Variants in TBC1D5 observed in about 807,000 individuals in gnomAD.
TBC1D5 encodes TBC1 domain family member 5.
A neutral mutation model predicts 100.3 loss-of-function variants in TBC1D5; 75 were observed. The ratio of observed to expected loss-of-function variants is 0.75; its 90% CI spans 0.62 to 0.91. TBC1D5 has a LOEUF of 0.91. Among genes scored for constraint, TBC1D5 ranks in the 40% least tolerant of loss-of-function variants. The pLI is 0.00. For synonymous variants in TBC1D5, 323 were observed against 325.6 expected (o/e 0.99, Z 0.09); for missense variants, 910 against 942.4 (o/e 0.97, Z 0.45).
intron 18 of TBC1D5, among the ~76,000 whole-genome samples, chr3:17,208,963 A>T (rs1274772208): frequency 6.6e-6 from 1 of 152,222 alleles, no homozygotes; most frequent in Non-Finnish European, 1.5e-5. Flanking sequence ...TATATATGTA[A>T]CACTTACATA....
intron 15 of TBC1D5, among the ~76,000 whole-genome samples, chr3:17,282,213 C>T (rs577953367): frequency 3.9e-5 from 6 of 152,202 alleles, no homozygotes; most frequent in East Asian, 3.9e-4. Flanking sequence ...AGCAAGTCGG[C>T]GGTAAAGGAG....
intron 3 of TBC1D5, among the ~76,000 whole-genome samples, chr3:17,473,811 T>G (rs141891788): frequency 9.8e-4 from 149 of 152,328 alleles, no homozygotes; most frequent in African/African-American, 3.5e-3. Context: ...ATGAATGTGC[T>G]TAGCTGAATT....
At chr3:17,460,462 A>C (rs73161492) in intron 3 of TBC1D5, among the ~76,000 whole-genome samples, 13,837 of 152,056 alleles carry the variant, frequency 0.091, 1,419 homozygotes, top group African/African-American at 0.26. Context: ...CCAATTCTAG[A>C]CACTCCTCCT....
chr3:17,243,566 A>G (rs2076482891), intron 16 of TBC1D5, among the ~76,000 whole-genome samples: 1 of 152,204 alleles, frequency 6.6e-6, no homozygotes, highest in Admixed American at 6.5e-5. Context: ...TTTGCAATTT[A>G]AAATAATCTC....
chr3:17,508,207 G>C (rs1453250000), intron 3 of TBC1D5, among the ~76,000 whole-genome samples: 1 of 152,150 alleles, frequency 6.6e-6, no homozygotes. Context: ...TTCTTATGCT[G>C]AAGTCATTGT....
At chr3:17,194,622 T>C (rs2070402340) in intron 18 of TBC1D5, among the ~76,000 whole-genome samples, 1 of 152,200 alleles carries the variant, frequency 6.6e-6, no homozygotes, top group African/African-American at 2.4e-5. Flanking sequence ...AAACATAAAA[T>C]GCAATGAAAA....
At chr3:17,584,955 CA>C (rs1248516438) in intron 2 of TBC1D5, among the ~76,000 whole-genome samples, 1 of 152,144 alleles carries the variant, frequency 6.6e-6, no homozygotes, top group Non-Finnish European at 1.5e-5. Context: ...TGTGCCCAGC[CA>C]ACATTTATTT....
chr3:17,510,933 G>A (rs1449144682), intron 2 of TBC1D5, among the ~76,000 whole-genome samples: 2 of 151,944 alleles, frequency 1.3e-5, no homozygotes, highest in Non-Finnish European at 2.9e-5. Flanking sequence ...AAGTATTAAA[G>A]CCAAAATTGA....
chr3:17,460,554 A>T (rs1248312555), intron 3 of TBC1D5, among the ~76,000 whole-genome samples: 1 of 152,056 alleles, frequency 6.6e-6, no homozygotes, highest in East Asian at 1.9e-4. Flanking sequence ...CCTCTCAGCC[A>T]TTTTTCCCCT....
chr3:17,295,895 T>C (rs1030766115), intron 14 of TBC1D5, among the ~76,000 whole-genome samples: 3 of 152,164 alleles, frequency 2.0e-5, no homozygotes, highest in African/African-American at 7.2e-5. Context: ...AAGGAAAGCA[T>C]TATCATTGAC....
chr3:17,529,896 T>A (rs961375173), intron 2 of TBC1D5, among the ~76,000 whole-genome samples: 2 of 152,176 alleles, frequency 1.3e-5, no homozygotes, highest in Non-Finnish European at 2.9e-5. Context: ...ATGTCTCAGA[T>A]AACGGGTTAA....
At chr3:17,639,944 C>T (rs190120328) in intron 1 of TBC1D5, among the ~76,000 whole-genome samples, 22 of 152,254 alleles carry the variant, frequency 1.4e-4, no homozygotes, top group Admixed American at 1.2e-3. Context: ...GATGTCGCAA[C>T]AAGCATAGGA....
intron 3 of TBC1D5, among the ~76,000 whole-genome samples, chr3:17,454,785 C>T (rs928670853): frequency 5.9e-5 from 9 of 151,844 alleles, no homozygotes; most frequent in African/African-American, 2.2e-4. Flanking sequence ...TTTCTATATG[C>T]CAACAGTGAG....
At chr3:17,346,458 T>A (rs2089893966) in intron 13 of TBC1D5, among the ~76,000 whole-genome samples, 1 of 151,832 alleles carries the variant, frequency 6.6e-6, no homozygotes, top group South Asian at 2.1e-4. Flanking sequence ...CTTTTCCTAT[T>A]TATTTGTAAG....
intron 1 of TBC1D5, among the ~76,000 whole-genome samples, chr3:17,681,777 G>A (rs977288449): frequency 6.6e-6 from 1 of 151,590 alleles, no homozygotes; most frequent in African/African-American, 2.4e-5. Context: ...TAGGTGGCCT[G>A]TTAGAAGCCA....
chr3:17,543,425 G>T (rs186626836), intron 2 of TBC1D5, among the ~76,000 whole-genome samples: 1 of 152,110 alleles, frequency 6.6e-6, no homozygotes, highest in Non-Finnish European at 1.5e-5. Flanking sequence ...TTGAGGTCAG[G>T]AGTTCGAAAC....
At chr3:17,717,019 T>A (rs2075295797) in intron 1 of TBC1D5, among the ~76,000 whole-genome samples, 1 of 152,162 alleles carries the variant, frequency 6.6e-6, no homozygotes, top group Admixed American at 6.5e-5. Flanking sequence ...CTAGGCATTT[T>A]ATGTAAATCA....
chr3:17,650,677 T>G (rs1336531343), intron 1 of TBC1D5, among the ~76,000 whole-genome samples: 2 of 152,152 alleles, frequency 1.3e-5, no homozygotes, highest in African/African-American at 4.8e-5. Flanking sequence ...ATGAAAGTAT[T>G]CCCCTTCCTA....
At chr3:17,737,184 T>C (rs1393833554) in intron 1 of TBC1D5, among the ~76,000 whole-genome samples, 5 of 152,168 alleles carry the variant, frequency 3.3e-5, no homozygotes, top group African/African-American at 1.2e-4. Flanking sequence ...CTGATGTATC[T>C]TCCCCATGGT....
Sources: allele counts gnomAD v4.1 joint callset (sites outside exome capture counted in the v4.1 genomes callset), GRCh38; gene constraint gnomAD v4.1.1; transcripts MANE v1.5; gene names NCBI Gene and HGNC (gene_info 2026-07-23, HGNC 2026-07-21).